The following ATP6V0E1 variants were observed in gnomAD, a reference collection of about 807,000 sequenced individuals.
ATP6V0E1 encodes V-type proton ATPase subunit e 1.
ATP6V0E1 carries 4 observed loss-of-function variants against 11.6 expected under a neutral mutation model. That is an observed-to-expected ratio of 0.35 (90% confidence interval 0.17 to 0.79). The LOEUF is 0.79. Among genes scored for constraint, ATP6V0E1 ranks in the 30% least tolerant of loss-of-function variants. The pLI is 0.54. For missense variants in ATP6V0E1, 105 were observed against 100.0 expected (o/e 1.05, Z -0.21); for synonymous variants, 36 against 34.8 (o/e 1.04, Z -0.13).
chr5:173,030,399 C>T (rs556762962), intron 3 of ATP6V0E1, among the ~76,000 whole-genome samples: 107 of 149,486 alleles, frequency 7.2e-4, no homozygotes, highest in African/African-American at 2.5e-3. Flanking sequence ...TTTCTTGGTT[C>T]TAGACTTAAT....
rs764794790 is a variant in ATP6V0E1 at position 173,020,917 on chromosome 5, G to A, written c.*36+550G>A. The A allele has an allele frequency of 2.7e-5, 14 of 519,702 alleles. No homozygotes were observed. The Middle Eastern group carries it at 1.9e-3, about 70-fold the overall frequency. The allele number at this position is 519,702 out of a possible 1,614,324, so 32.2% of individuals were successfully genotyped here. ...ACTTTGGCTGCTTAGTTCTAGTCTG[G>A]GAGCAGACAGAGAAAACAAAATTAA... On this transcript the variant is annotated intron_variant, in intron 3 of 3. Transcript: ENST00000519374.
rs372762917 is a variant in ATP6V0E1, at chr5:173,020,821, C to T, written c.*36+454C>T. 391 of 519,864 alleles carry T rather than the reference C, an allele frequency of 7.5e-4. 1 individual carries two copies. The highest frequency in any genetic ancestry group is 1.1e-3 in the Non-Finnish European group (282 of 260,022). The allele number at this position is 519,864 out of a possible 1,614,324, so 32.2% of individuals were successfully genotyped here. A position where few individuals can be genotyped will look rare whatever the true frequency, so the allele number is the denominator to read the frequency against. ...TCTTGTCTTCATCCGGTTGCCTGCG[C>T]CACTGTTCTGGTGGCGTCTGGCACT... On this transcript the variant is annotated intron_variant, in intron 3 of 3. Transcript: ENST00000519374.
At position 173,034,476 on chromosome 5, in the gene ATP6V0E1, C is replaced by T; in HGVS notation, c.*114C>T. The T allele has an allele frequency of 1.4e-6, 1 of 702,456 alleles. No individual in the cohort carries two copies. The allele number at this position is 702,456 out of a possible 1,614,324, so 43.5% of individuals were successfully genotyped here. A position where few individuals can be genotyped will look rare whatever the true frequency, so the allele number is the denominator to read the frequency against. On this transcript the variant is annotated 3_prime_UTR_variant, in exon 4 of 4. Coordinates refer to ENST00000519374, the MANE Select transcript of ATP6V0E1 (RefSeq NM_003945.4). ...CTTTTCTTGACTTGCCTGTTTTGGCCATTAGCTGCCTTAAACGTTAACAGC... is the reference window on the plus strand; with the variant it reads ...CTTTTCTTGACTTGCCTGTTTTGGCTATTAGCTGCCTTAAACGTTAACAGC...
chr5:173,022,165 T>C (rs1756496562), intron 3 of ATP6V0E1, among the ~76,000 whole-genome samples: 1 of 152,258 alleles, frequency 6.6e-6, no homozygotes. Context: ...ATCTGTTCGT[T>C]GTTTTCATTA....
chr5:172,986,599 G>T, intron 1 of ATP6V0E1: 1 of 379,596 alleles, frequency 2.6e-6, no homozygotes, highest in South Asian at 1.9e-5. Flanking sequence ...CTGTACTCCA[G>T]CCTGGGCAAC....
At chr5:172,992,564 C>T (rs1756000320) in intron 1 of ATP6V0E1, among the ~76,000 whole-genome samples, 3 of 152,108 alleles carry the variant, frequency 2.0e-5, no homozygotes, top group South Asian at 4.1e-4. Flanking sequence ...CAGGTCTGCA[C>T]TGAGACGCCA....
At chr5:173,014,754 T>C (rs1756377837) in intron 2 of ATP6V0E1, among the ~76,000 whole-genome samples, 1 of 140,418 alleles carries the variant, frequency 7.1e-6, no homozygotes, top group Non-Finnish European at 1.5e-5. Flanking sequence ...AGTAGCACAA[T>C]GGGTACAAAC....
intron 2 of ATP6V0E1, among the ~76,000 whole-genome samples, chr5:173,014,654 G>A (rs1756376105): frequency 6.6e-6 from 1 of 152,164 alleles, no homozygotes; most frequent in Non-Finnish European, 1.5e-5. Context: ...TCACTTATAT[G>A]TGGGAGCTAA....
chr5:173,021,984 G>A lies in ATP6V0E1; in HGVS notation c.*36+1617G>A, dbSNP rs777221263. Among the ~76,000 whole-genome samples the A allele has an allele frequency of 1.2e-3, 182 of 152,272 alleles. 1 individual carries two copies. The highest frequency in any genetic ancestry group is 8.2e-4 in the Non-Finnish European group (56 of 68,028). ...CAGGAGGCAGAGCTTGCAGTGAGGC[G>A]AGATCGCGCCACTGCACTCCAGCCT... On this transcript the variant is annotated intron_variant, in intron 3 of 3. Transcript: ENST00000519374.
chr5:172,995,412 A>G (rs1337030780), intron 2 of ATP6V0E1, among the ~76,000 whole-genome samples: 1 of 151,942 alleles, frequency 6.6e-6, no homozygotes, highest in Non-Finnish European at 1.5e-5. Flanking sequence ...TACTATTGTG[A>G]AGTATTTAGA....
intron 2 of ATP6V0E1, 22 bp downstream of exon 2, chr5:172,994,844 A>G: frequency 2.5e-6 from 4 of 1,576,408 alleles, no homozygotes; most frequent in Non-Finnish European, 3.5e-6. Context: ...TTTCTTAAGT[A>G]ATTATTCTTG....
intron 3 of ATP6V0E1, among the ~76,000 whole-genome samples, chr5:173,021,852 C>T (rs576409929): frequency 3.9e-5 from 6 of 152,178 alleles, no homozygotes; most frequent in East Asian, 3.9e-4. Context: ...ATCGAGACCA[C>T]GGTGAAACCC....
chr5:173,017,856 A>AAG lies in ATP6V0E1; in HGVS notation c.153-2381_153-2380insGA, dbSNP rs1554119523. On this transcript the variant is annotated intron_variant, in intron 2 of 3. Transcript: ENST00000519374. ...ACTCCTTCTCAAAAAAAAAAAAAAA[A>AAG]AAAAGAAAAGAAAAGAAAGGGATTC... 5.1e-3 allele frequency among the ~76,000 whole-genome samples: 751 copies of AAG among 146,268 alleles called. 11 individuals are homozygous for AAG. The highest frequency in any genetic ancestry group is 0.019 in the African/African-American group (693 of 36,870).
At chr5:172,984,744 C>T (rs1755855390) in intron 1 of ATP6V0E1, among the ~76,000 whole-genome samples, 2 of 152,186 alleles carry the variant, frequency 1.3e-5, no homozygotes, top group South Asian at 4.1e-4. Flanking sequence ...CCTGGTTCCT[C>T]TTTTGCTTCT....
chr5:172,999,421 TGAA>T (rs1291487124), intron 2 of ATP6V0E1, among the ~76,000 whole-genome samples: 3 of 152,130 alleles, frequency 2.0e-5, no homozygotes, highest in Non-Finnish European at 4.4e-5. Context: ...ACTCCTGGGC[TGAA>T]GCAATCTTCC....
intron 2 of ATP6V0E1, 36 bp from the exon 3 acceptor site, chr5:173,020,202 C>T (rs762220205): frequency 7.2e-6 from 11 of 1,526,710 alleles, no homozygotes; most frequent in Non-Finnish European, 1.0e-5. Flanking sequence ...AACATGATTT[C>T]ACCGCTTCGT....
At chr5:173,006,222 C>T (rs1187353077) in intron 2 of ATP6V0E1, among the ~76,000 whole-genome samples, 1 of 152,004 alleles carries the variant, frequency 6.6e-6, no homozygotes, top group African/African-American at 2.4e-5. Context: ...TCCTGTTTCT[C>T]CCTTTCTTTC....
chr5:173,031,556 C>T (rs978010524), intron 3 of ATP6V0E1, among the ~76,000 whole-genome samples: 3 of 151,452 alleles, frequency 2.0e-5, no homozygotes, highest in East Asian at 2.0e-4. Flanking sequence ...AGGTGGCTCA[C>T]GCCTGTAATC....
intron 2 of ATP6V0E1, among the ~76,000 whole-genome samples, chr5:173,007,903 C>G (rs897959536): frequency 6.6e-6 from 1 of 152,176 alleles, no homozygotes; most frequent in Non-Finnish European, 1.5e-5. Flanking sequence ...TGTCCCCATA[C>G]GAGCAGGAGG....
Sources: allele counts gnomAD v4.1 joint callset (sites outside exome capture counted in the v4.1 genomes callset), GRCh38; gene constraint gnomAD v4.1.1; transcripts MANE v1.5; gene names NCBI Gene and HGNC (gene_info 2026-07-23, HGNC 2026-07-21).